DEDD2: variants seen among roughly 807,000 people sequenced by gnomAD.
The protein encoded by DEDD2 is DNA-binding death effector domain-containing protein 2.
In DEDD2, 18 loss-of-function variants were observed where a neutral mutation model predicts 28.9. That is an observed-to-expected ratio of 0.62 (90% confidence interval 0.43 to 0.92). The LOEUF (loss-of-function observed/expected upper bound fraction) is 0.92, where lower values mean the gene tolerates loss of function less well. Ranked by LOEUF, DEDD2 falls within the 40% of genes least tolerant of loss-of-function variation. The probability of loss-of-function intolerance (pLI) is 0.00; values close to 1 mark genes in which losing one functional copy is unlikely to be tolerated. For missense variants in DEDD2, 411 were observed against 463.3 expected, an observed-to-expected ratio of 0.89 and a Z score of 1.04; for synonymous variants, 211 against 206.1, an observed-to-expected ratio of 1.02 and a Z score of -0.20.
At chr19:42,209,501 A>C (rs1339095495) in intron 4 of DEDD2, among the ~76,000 whole-genome samples, 199 bp downstream of exon 4, 1 of 152,232 alleles carries the variant, frequency 6.6e-6, no homozygotes. Flanking sequence ...GAGGTGGCAC[A>C]AGATCTGATC....
At position 42,199,578 on chromosome 19, in the gene DEDD2, T is replaced by A; in HGVS notation, c.841A>T (p.Thr281Ser). ...CCCACAGCCTCTCGCAGGGCCTCAGTCAGGAACACGCCCCGCAGGGCCTGC... is the reference window on the plus strand; with the variant it reads ...CCCACAGCCTCTCGCAGGGCCTCAGACAGGAACACGCCCCGCAGGGCCTGC... The part of the protein sequence containing the change: ...LLQALRGVFL[T>S]EALREAVGRE... The change falls in exon 5 of 5, where the codon ACT (threonine) becomes TCT (serine). Residue 281 changes from threonine to serine, a missense_variant. This residue lies in a region of DEDD2 where 129 missense variants were observed against 189.9 expected (regional missense o/e 0.68). Transcript: ENST00000596251. This position sits in a 1 kb window ranked among gnomAD's most constrained non-coding sequence, Gnocchi z 7.4. The A allele has an allele frequency of 6.2e-7, 1 of 1,613,952 alleles. No individual in the cohort carries two copies. Among genetic ancestry groups the A allele is most frequent in the Non-Finnish European group, 8.5e-7 (1 of 1,179,946 alleles).
In DEDD2 at chr19:42,216,819, G is replaced by C. The variant is rs750836059; in HGVS notation, c.189C>G (p.Arg63=). ...PGAAGGLARA[R]SGLELLLELE... The stretch of plus-strand genomic sequence containing the variant: ...GCTCCAGCAGGAGCTCTAGGCCGCT[G>C]CGGGCCCGGGCTAAGCCTCCGGCGG... Residue 63 remains arginine, a synonymous_variant, in exon 2 of 5, where the codon CGC becomes CGG. Coordinates refer to ENST00000596251, the MANE Select transcript of DEDD2 (RefSeq NM_133328.4). 2.7e-5 allele frequency: 42 copies of C among 1,582,278 alleles called. No individual in the cohort carries two copies. Among genetic ancestry groups the C allele is most frequent in the African/African-American group, 1.3e-5 (1 of 74,130 alleles).
chr19:42,208,939 T>C (rs1280606005), intron 4 of DEDD2, among the ~76,000 whole-genome samples: 2 of 152,162 alleles, frequency 1.3e-5, no homozygotes, highest in African/African-American at 4.8e-5. Flanking sequence ...TTTACAGATG[T>C]GGAAACTGAG....
At position 42,199,453 on chromosome 19, in the gene DEDD2, C is replaced by G; in HGVS notation, c.966G>C (p.Pro322=). ...LLMEEEGGRR[P]TEAS ...CAGTCCTGGATCAGGAGGCCTCTGTCGGGCGCCGCCCCCCTTCCTCCTCCA... is the reference window on the plus strand; with the variant it reads ...CAGTCCTGGATCAGGAGGCCTCTGTGGGGCGCCGCCCCCCTTCCTCCTCCA... Residue 322 remains proline, a synonymous_variant, in exon 5 of 5, where the codon CCG becomes CCC. Transcript: ENST00000596251. The surrounding 1 kb of genome is among the most constrained non-coding windows in gnomAD (Gnocchi z 7.4). The G allele has an allele frequency of 1.9e-6, 3 of 1,606,078 alleles. No individual in the cohort carries two copies. The highest frequency in any genetic ancestry group is 2.2e-5 in the South Asian group (2 of 90,446).
In DEDD2 at chr19:42,199,138, C is replaced by G. The variant is rs1423839321; in HGVS notation, c.*300G>C. ...ATCAGAGATACAATGTGCAGGGGGG[C>G]CTTTGGTGAGTGTGTAGCTGTGCCC... On this transcript the variant is annotated 3_prime_UTR_variant, in exon 5 of 5. Coordinates refer to ENST00000596251, the MANE Select transcript of DEDD2 (RefSeq NM_133328.4). This position sits in a 1 kb window ranked among gnomAD's most constrained non-coding sequence, Gnocchi z 7.4. The G allele has an allele frequency of 3.4e-5, 15 of 435,756 alleles. No homozygotes were observed. Among genetic ancestry groups the G allele is most frequent in the East Asian group, 7.8e-5 (2 of 25,654 alleles). 27.0% of individuals were successfully genotyped at this position (435,756 alleles called of 1,614,324 possible).
In DEDD2 at chr19:42,199,926, C is replaced by T; in HGVS notation, c.590-97G>A. The T allele has an allele frequency of 6.8e-7, 1 of 1,462,670 alleles. No homozygotes were observed. 90.6% of individuals were successfully genotyped at this position (1,462,670 alleles called of 1,614,324 possible). On this transcript the variant is annotated intron_variant, in intron 4 of 4. Transcript: ENST00000596251. This position sits in a 1 kb window ranked among gnomAD's most constrained non-coding sequence, Gnocchi z 7.4. Reference sequence around the variant, plus strand: ...CTCCCTCCAGCCTTCTCCCTCCACCCCCTTCCGGTAGCCACACCCTAGTCC... The same window carrying T: ...CTCCCTCCAGCCTTCTCCCTCCACCTCCTTCCGGTAGCCACACCCTAGTCC...
rs2035648961 is a variant in DEDD2, at chr19:42,209,188, C to CCAAGAT, written c.589+506_589+511dup. On this transcript the variant is annotated intron_variant, in intron 4 of 4. Transcript: ENST00000596251. ...CCCAGGAGGCGGAGGTTGCAGTAAG[C>CCAAGAT]CAAGATCACACCACTGCACTCCAGC... Among the ~76,000 whole-genome samples, 3 of 152,112 alleles carry CCAAGAT rather than the reference C, an allele frequency of 2.0e-5. No homozygotes were observed. In the South Asian group the frequency reaches 6.2e-4, roughly 32 times the overall value.
chr19:42,217,071 G>T, intron 1 of DEDD2, 26 bp from the exon 2 acceptor site: 1 of 1,484,688 alleles, frequency 6.7e-7, no homozygotes, highest in Non-Finnish European at 9.2e-7. Context: ...CGGGGAGGGG[G>T]CAGTGGTCAG....
At position 42,199,862 on chromosome 19, in the gene DEDD2, G is replaced by A. The variant is rs778515588; in HGVS notation, c.590-33C>T. The A allele has an allele frequency of 2.6e-6, 4 of 1,554,312 alleles. 1 individual carries two copies. The highest frequency in any genetic ancestry group is 2.4e-5 in the South Asian group (2 of 84,050). ...GGAAGGAGGGATTTGTCAGGGAGGGGGCCAACACTAGACACACTTATGGGG... is the reference window on the plus strand; with the variant it reads ...GGAAGGAGGGATTTGTCAGGGAGGGAGCCAACACTAGACACACTTATGGGG... On this transcript the variant is annotated intron_variant, in intron 4 of 4. Transcript: ENST00000596251. This position sits in a 1 kb window ranked among gnomAD's most constrained non-coding sequence, Gnocchi z 7.4.
intron 4 of DEDD2, among the ~76,000 whole-genome samples, chr19:42,207,933 C>CAGCT (rs2035597779): frequency 6.6e-6 from 1 of 152,094 alleles, no homozygotes; most frequent in Non-Finnish European, 1.5e-5. Flanking sequence ...TCACCCTTCC[C>CAGCT]AGCTCCTCTT....
rs2036009190 is a variant in DEDD2, at chr19:42,217,093, C to A, written c.-38-48G>T. On this transcript the variant is annotated intron_variant, in intron 1 of 4. Coordinates refer to ENST00000596251, the MANE Select transcript of DEDD2 (RefSeq NM_133328.4). ...GGGGCAGTGGTCAGCGACGCGGAGG[C>A]CCGAACCCCACACCGCCAGCGCGTC... 7.3e-6 allele frequency: 10 copies of A among 1,373,626 alleles called. No individual in the cohort carries two copies. The South Asian group carries it at 1.3e-4, about 17-fold the overall frequency. 85.1% of individuals were successfully genotyped at this position (1,373,626 alleles called of 1,614,324 possible). A position where few individuals can be genotyped will look rare whatever the true frequency, so the allele number is the denominator to read the frequency against.
At chr19:42,213,509 A>G (rs1743881941) in intron 3 of DEDD2, among the ~76,000 whole-genome samples, 4 of 152,216 alleles carry the variant, frequency 2.6e-5, no homozygotes, top group Admixed American at 1.3e-4. Flanking sequence ...ACATCGGAAA[A>G]GCCAGGCCGT....
intron 4 of DEDD2, among the ~76,000 whole-genome samples, chr19:42,205,551 C>T (rs1366253611): frequency 6.6e-6 from 1 of 151,864 alleles, no homozygotes; most frequent in Non-Finnish European, 1.5e-5. Flanking sequence ...CGCTTCAACC[C>T]GGGAGGCAGA....
At chr19:42,203,154 T>C (rs1406335193) in intron 4 of DEDD2, among the ~76,000 whole-genome samples, 1 of 152,196 alleles carries the variant, frequency 6.6e-6, no homozygotes, top group African/African-American at 2.4e-5. Context: ...ACCTCACGTG[T>C]ATGGCTCCAG....
upstream of DEDD2, among the ~76,000 whole-genome samples, chr19:42,218,560 G>A (rs933041656): frequency 2.0e-5 from 3 of 152,136 alleles, no homozygotes; most frequent in African/African-American, 7.2e-5. Context: ...GGCCTTGGGT[G>A]TGACGGTCGC....
chr19:42,212,544 A>G (rs2035813041), intron 3 of DEDD2, among the ~76,000 whole-genome samples: 1 of 148,966 alleles, frequency 6.7e-6, no homozygotes, highest in South Asian at 2.2e-4. Context: ...AGCTCACTGC[A>G]ACCTCCACCT....
At position 42,199,181 on chromosome 19, in the gene DEDD2, G is replaced by A. The variant is rs555130493; in HGVS notation, c.*257C>T. The stretch of plus-strand genomic sequence containing the variant: ...CTGTGCCCCTCCCTTCTGAGATACA[G>A]GCCCAGCCCCCGCCTCCGGAGGCTA... On this transcript the variant is annotated 3_prime_UTR_variant, in exon 5 of 5. Coordinates refer to ENST00000596251, the MANE Select transcript of DEDD2 (RefSeq NM_133328.4). This position sits in a 1 kb window ranked among gnomAD's most constrained non-coding sequence, Gnocchi z 7.4. 2 of 550,990 alleles carry A rather than the reference G, an allele frequency of 3.6e-6. No individual in the cohort carries two copies. Among genetic ancestry groups the A allele is most frequent in the Non-Finnish European group, 6.4e-6 (2 of 314,226 alleles). 34.1% of individuals were successfully genotyped at this position (550,990 alleles called of 1,614,324 possible). A position where few individuals can be genotyped will look rare whatever the true frequency, so the allele number is the denominator to read the frequency against.
chr19:42,203,948 G>T (rs1599757897), intron 4 of DEDD2, among the ~76,000 whole-genome samples: 1 of 152,236 alleles, frequency 6.6e-6, no homozygotes, highest in Non-Finnish European at 1.5e-5. Context: ...ACCGTGGGCT[G>T]GCTGCATCTT....
chr19:42,218,420 G>A (rs1288829441), upstream of DEDD2, among the ~76,000 whole-genome samples: 1 of 151,916 alleles, frequency 6.6e-6, no homozygotes, highest in African/African-American at 2.4e-5. Flanking sequence ...GAGCCAAAAC[G>A]GCCCCTCCGT....
Sources: allele counts gnomAD v4.1 joint callset (sites outside exome capture counted in the v4.1 genomes callset), GRCh38; gene constraint gnomAD v4.1.1; regional missense constraint gnomAD v4.1.1; non-coding constraint Gnocchi (gnomAD v3.1); transcripts MANE v1.5; gene names NCBI Gene and HGNC (gene_info 2026-07-23, HGNC 2026-07-21).